Variants in WDR17 observed in about 807,000 individuals in gnomAD.
WDR17 encodes the protein WD repeat-containing protein 17.
A neutral mutation model predicts 161.7 loss-of-function variants in WDR17; 143 were observed. The observed-to-expected ratio is 0.88, with a 90% CI of 0.77 to 1.02. WDR17 has a LOEUF of 1.02. Ranked by LOEUF, WDR17 falls within the 50% of genes least tolerant of loss-of-function variation. The pLI is 0.00. For missense variants in WDR17, 1,469 were observed against 1,520.9 expected (o/e 0.97, Z 0.57); for synonymous variants, 517 against 515.6 (o/e 1.00, Z -0.04).
At chr4:176,125,420 A>C (rs1462871082) in intron 5 of WDR17, 65 bp downstream of exon 5, 1 of 1,553,100 alleles carries the variant, frequency 6.4e-7, no homozygotes, top group Non-Finnish European at 8.7e-7. Context: ...GAATTTAGGA[A>C]ATTGTCCTTT....
chr4:176,111,504 T>C (rs1739733490), intron 1 of WDR17, 71 bp from the exon 2 acceptor site: 14 of 1,518,030 alleles, frequency 9.2e-6, no homozygotes, highest in Admixed American at 5.6e-5. Flanking sequence ...TTGGGGAAGA[T>C]AGATGTAAAA....
chr4:176,178,161 C>T (rs1277587370), intron 28 of WDR17, among the ~76,000 whole-genome samples: 1 of 151,978 alleles, frequency 6.6e-6, no homozygotes, highest in Non-Finnish European at 1.5e-5. Flanking sequence ...GTCATAGCCA[C>T]CCAAAATAAA....
chr4:176,111,025 C>T (rs886466577), intron 1 of WDR17, among the ~76,000 whole-genome samples: 10 of 152,192 alleles, frequency 6.6e-5, no homozygotes, highest in Non-Finnish European at 8.8e-5. Context: ...GTCTTATGCA[C>T]CTCAAATAGA....
At chr4:176,127,237 A>G (rs952554084) in intron 5 of WDR17, among the ~76,000 whole-genome samples, 9 of 152,058 alleles carry the variant, frequency 5.9e-5, no homozygotes, top group African/African-American at 1.9e-4. Context: ...TGGATTCTTA[A>G]TTTATATATC....
intron 8 of WDR17, among the ~76,000 whole-genome samples, chr4:176,136,014 AGGGTTTT>A (rs1744341362): frequency 6.6e-6 from 1 of 151,608 alleles, no homozygotes; most frequent in Non-Finnish European, 1.5e-5. Context: ...TGGGCCTCCA[AGGGTTTT>A]ATATTTCATC....
Position 176,168,686 on chromosome 4 carries a change from ATCT to A in WDR17, c.3012_3014del (p.Leu1005del), listed in dbSNP as rs375753370. 9.3e-6 allele frequency: 15 copies of A among 1,613,660 alleles called. No homozygotes were observed. The highest frequency in any genetic ancestry group is 3.3e-5 in the South Asian group (3 of 91,030). On this transcript the variant is annotated inframe_deletion, in exon 23 of 29. Transcript: ENST00000508596. ...TACGTTAACAGGAATTTGGCAGCTG[ATCT>A]TCTTCTGATGATTCCTGATAATGAA...
At chr4:176,095,408 G>T (rs1442019840) in intron 1 of WDR17, among the ~76,000 whole-genome samples, 7 of 152,106 alleles carry the variant, frequency 4.6e-5, no homozygotes, top group South Asian at 2.1e-4. Context: ...ATGACTTGAG[G>T]CTTCACTCAG....
intron 3 of WDR17, among the ~76,000 whole-genome samples, chr4:176,119,510 A>G (rs1741199384): frequency 6.6e-6 from 1 of 152,206 alleles, no homozygotes. Context: ...ACTACCTTGT[A>G]TACCTAGAAT....
Position 176,125,358 on chromosome 4 carries a change from A to G in WDR17, c.790+3A>G, listed in dbSNP as rs771375221. ...TCCTGGGATGTTTATAACTGGAGGT[A>G]AGCTAATCCCCATAACCCAGAGTTT... On this transcript the variant is annotated splice_donor_region_variant and intron_variant, in intron 5 of 28. Transcript: ENST00000508596. 3 of 1,613,496 alleles carry G rather than the reference A, an allele frequency of 1.9e-6. No homozygotes were observed. The Admixed American group carries it at 5.0e-5, about 27-fold the overall frequency.
rs768017390 is a variant in WDR17 at position 176,111,551 on chromosome 4, A to G, written c.-6-24A>G. 9 of 1,598,258 alleles carry G rather than the reference A, an allele frequency of 5.6e-6. No homozygotes were observed. The South Asian group carries it at 9.0e-5, about 16-fold the overall frequency. On this transcript the variant is annotated intron_variant, in intron 1 of 28. Transcript: ENST00000508596. ...TTTATCAATAATGGAAATCACTGAC[A>G]TTTCTTCAAATTTGTTTTTCAAGGC...
At chr4:176,066,627 G>A (rs372845824) in intron 1 of WDR17, among the ~76,000 whole-genome samples, 1 of 152,244 alleles carries the variant, frequency 6.6e-6, no homozygotes, top group African/African-American at 2.4e-5. Context: ...GACTTGTTTT[G>A]CTTGCAAAGA....
intron 1 of WDR17, among the ~76,000 whole-genome samples, chr4:176,093,810 A>T (rs1579026986): frequency 6.6e-6 from 1 of 152,306 alleles, no homozygotes; most frequent in East Asian, 1.9e-4. Flanking sequence ...ACCAGATCCC[A>T]TCTATTCTCA....
At chr4:176,074,798 T>C (rs990383244) in intron 1 of WDR17, among the ~76,000 whole-genome samples, 1 of 149,436 alleles carries the variant, frequency 6.7e-6, no homozygotes, top group East Asian at 2.0e-4. Flanking sequence ...GCATGCGGGA[T>C]TTTTTTTAAT....
intron 3 of WDR17, among the ~76,000 whole-genome samples, chr4:176,119,101 T>C (rs1322743477): frequency 1.3e-5 from 2 of 152,164 alleles, no homozygotes; most frequent in Non-Finnish European, 2.9e-5. Context: ...GCAATCTCTC[T>C]CTCATAAATT....
Position 176,180,231 on chromosome 4 carries a change from T to C in WDR17, c.*652T>C, listed in dbSNP as rs1365652527. 1 of 152,196 alleles carries C rather than the reference T, an allele frequency of 6.6e-6. No individual in the cohort carries two copies. Among genetic ancestry groups the C allele is most frequent in the East Asian group, 1.9e-4 (1 of 5,200 alleles). The allele number at this position is 152,196 out of a possible 1,614,324, so 9.4% of individuals were successfully genotyped here. A position where few individuals can be genotyped will look rare whatever the true frequency, so the allele number is the denominator to read the frequency against. On this transcript the variant is annotated 3_prime_UTR_variant, in exon 29 of 29. Transcript: ENST00000508596. ...TCCCATTGTAAAGGTGTAAGTTATATAGGCTTGAAAAAAATTGGCGGGTAA... is the reference window on the plus strand; with the variant it reads ...TCCCATTGTAAAGGTGTAAGTTATACAGGCTTGAAAAAAATTGGCGGGTAA...
intron 1 of WDR17, among the ~76,000 whole-genome samples, chr4:176,075,722 T>C (rs1262850136): frequency 6.6e-6 from 1 of 152,054 alleles, no homozygotes; most frequent in Non-Finnish European, 1.5e-5. Context: ...AGGAGTGAGA[T>C]CAGCATTTTG....
Position 176,118,946 on chromosome 4 carries a change from G to A in WDR17, c.308-921G>A, listed in dbSNP as rs571212236. Among the ~76,000 whole-genome samples, 6 of 151,936 alleles carry A rather than the reference G, an allele frequency of 3.9e-5. No individual in the cohort carries two copies. In the South Asian group the frequency reaches 1.2e-3, roughly 32 times the overall value. ...ACTGCACTCCAGCCTGGGCAACAGA[G>A]CAAGACTCCGTCTCAAAAAATAATA... On this transcript the variant is annotated intron_variant, in intron 3 of 28. Transcript: ENST00000508596.
intron 1 of WDR17, among the ~76,000 whole-genome samples, chr4:176,075,935 A>G (rs1284955542): frequency 1.3e-5 from 2 of 152,044 alleles, no homozygotes; most frequent in African/African-American, 4.8e-5. Flanking sequence ...TGATCGGGAC[A>G]CTGTACCCCA....
At chr4:176,106,497 G>T (rs551548246) in intron 1 of WDR17, among the ~76,000 whole-genome samples, 167 of 152,186 alleles carry the variant, frequency 1.1e-3, no homozygotes, top group African/African-American at 3.9e-3. Flanking sequence ...GACACTTAAT[G>T]TTAAGACCAA....
Sources: gnomAD v4.1 joint callset for allele counts (sites outside exome capture counted in the v4.1 genomes callset) on GRCh38, gnomAD v4.1.1 for gene constraint, MANE v1.5 for transcripts, NCBI Gene and HGNC (gene_info 2026-07-23, HGNC 2026-07-21) for gene names.